NBDY: variants seen among roughly 807,000 people sequenced by gnomAD.
NBDY encodes P-body dissociating protein.
chrX:56,790,070 C>T (rs2069752942), intron 2 of NBDY, among the ~76,000 whole-genome samples: 1 of 111,211 alleles, frequency 9.0e-6, no homozygotes, highest in Admixed American at 9.5e-5. Context: ...ATGAGACAGT[C>T]GAGGACAAAT....
chrX:56,762,354 T>C (rs1374492831), intron 2 of NBDY, among the ~76,000 whole-genome samples: 1 of 109,143 alleles, frequency 9.2e-6, no homozygotes, highest in African/African-American at 3.4e-5. Flanking sequence ...CCTCCTCCTC[T>C]CTCTTTTCCT....
intron 2 of NBDY, among the ~76,000 whole-genome samples, chrX:56,746,663 G>A (rs1293880402): frequency 9.1e-6 from 1 of 109,591 alleles, no homozygotes. Flanking sequence ...GTAGATCTGA[G>A]ATCTGTAGAT....
intron 2 of NBDY, among the ~76,000 whole-genome samples, chrX:56,751,636 A>C (rs1375856320): frequency 8.9e-6 from 1 of 112,307 alleles, no homozygotes; most frequent in East Asian, 2.8e-4. Flanking sequence ...AAACACTTCC[A>C]ATACCCTAGA....
intron 2 of NBDY, among the ~76,000 whole-genome samples, chrX:56,753,025 C>A (rs780844656): frequency 5.3e-5 from 6 of 112,384 alleles, no homozygotes; most frequent in Non-Finnish European, 1.1e-4. Context: ...AATGAAATAT[C>A]CAGAAATTTG....
intron 2 of NBDY, among the ~76,000 whole-genome samples, chrX:56,807,145 A>AGGC (rs2146741108): frequency 8.9e-6 from 1 of 111,737 alleles, no homozygotes; most frequent in Admixed American, 9.5e-5. Context: ...GTTATTTCTG[A>AGGC]GGCCTCCATT....
intron 2 of NBDY, among the ~76,000 whole-genome samples, chrX:56,759,011 C>T (rs925309033): frequency 4.5e-5 from 5 of 111,940 alleles, no homozygotes; most frequent in Non-Finnish European, 9.4e-5. Flanking sequence ...CCGCTTGGTA[C>T]CTGGAGAGCA....
intron 2 of NBDY, among the ~76,000 whole-genome samples, chrX:56,780,812 C>T (rs1333413229): frequency 7.2e-5 from 5 of 69,707 alleles, no homozygotes; most frequent in Admixed American, 1.9e-4. Flanking sequence ...TTTTTTTCCT[C>T]ATATGTAGGT....
intron 2 of NBDY, among the ~76,000 whole-genome samples, chrX:56,739,228 G>T (rs1436332983): frequency 2.0e-5 from 1 of 48,880 alleles, no homozygotes; most frequent in African/African-American, 8.5e-5. Flanking sequence ...ATATATGTGT[G>T]TTTGTGTGTG....
At chrX:56,746,237 T>C (rs1387133540) in intron 2 of NBDY, among the ~76,000 whole-genome samples, 2 of 111,005 alleles carry the variant, frequency 1.8e-5, no homozygotes, top group Non-Finnish European at 3.8e-5. Flanking sequence ...TCTCCTTAAG[T>C]ACTTTTTCCT....
Position 56,818,104 on chromosome X carries a change from A to G in NBDY, c.*951A>G, listed in dbSNP as rs910589295. ...GGTTATAGAAAAAAATTTATAGACT[A>G]TAATAATTTCCAGGGATATAAAAAA... On this transcript the variant is annotated 3_prime_UTR_variant, in exon 3 of 3. Coordinates refer to ENST00000374922, the MANE Select transcript of NBDY (RefSeq NM_001348129.2). The G allele has an allele frequency of 8.9e-6, 1 of 111,832 alleles. No homozygotes were observed. Among genetic ancestry groups the G allele is most frequent in the African/African-American group, 3.2e-5 (1 of 30,899 alleles). The allele number at this position is 111,832 out of a possible 1,213,427, so 9.2% of individuals were successfully genotyped here. A position where few individuals can be genotyped will look rare whatever the true frequency, so the allele number is the denominator to read the frequency against.
At chrX:56,749,986 A>G (rs1212235525) in intron 2 of NBDY, among the ~76,000 whole-genome samples, 1 of 111,801 alleles carries the variant, frequency 8.9e-6, no homozygotes, top group Non-Finnish European at 1.9e-5. Context: ...ATATTTTATT[A>G]TAAATTACTT....
chrX:56,797,680 A>G (rs1197578026), intron 2 of NBDY, among the ~76,000 whole-genome samples: 2 of 110,687 alleles, frequency 1.8e-5, no homozygotes, highest in South Asian at 3.8e-4. Context: ...TTGTTCCCCT[A>G]TTGCCTTTCC....
intron 2 of NBDY, among the ~76,000 whole-genome samples, chrX:56,799,470 G>A (rs777544968): frequency 8.8e-6 from 1 of 113,182 alleles, no homozygotes; most frequent in Non-Finnish European, 1.9e-5. Context: ...TTCTGTCCCC[G>A]GGCCTCTAGC....
intron 2 of NBDY, among the ~76,000 whole-genome samples, chrX:56,813,490 G>A (rs751847826): frequency 8.1e-5 from 9 of 110,731 alleles, no homozygotes; most frequent in Admixed American, 6.8e-4. Flanking sequence ...ACCCACACAC[G>A]CACTCAGAAG....
chrX:56,792,549 C>T (rs1270967414), intron 2 of NBDY, among the ~76,000 whole-genome samples: 1 of 110,873 alleles, frequency 9.0e-6, no homozygotes, highest in Admixed American at 9.6e-5. Context: ...CACAAAGAGA[C>T]ACATGCACGT....
chrX:56,812,986 A>G (rs915093556), intron 2 of NBDY, among the ~76,000 whole-genome samples: 4 of 110,589 alleles, frequency 3.6e-5, no homozygotes, highest in South Asian at 3.9e-4. Flanking sequence ...TCTCTGGTGA[A>G]CAATGAGAAC....
At chrX:56,807,984 C>T (rs1163735480) in intron 2 of NBDY, among the ~76,000 whole-genome samples, 1 of 111,756 alleles carries the variant, frequency 8.9e-6, no homozygotes, top group Non-Finnish European at 1.9e-5. Flanking sequence ...TTTTGAGATA[C>T]ATTCCATCAA....
chrX:56,786,807 A>G (rs1208111088), intron 2 of NBDY, among the ~76,000 whole-genome samples: 4 of 110,335 alleles, frequency 3.6e-5, no homozygotes, highest in Non-Finnish European at 7.6e-5. Context: ...GTGATGTGTG[A>G]TGTTCCTCTG....
intron 2 of NBDY, among the ~76,000 whole-genome samples, chrX:56,754,929 A>G (rs945506961): frequency 1.8e-5 from 2 of 112,123 alleles, no homozygotes; most frequent in African/African-American, 6.5e-5. Flanking sequence ...AACAAAATTG[A>G]CAAAACGTTA....
Sources: gnomAD v4.1 joint callset for allele counts (sites outside exome capture counted in the v4.1 genomes callset) on GRCh38, gnomAD v4.1.1 for gene constraint, MANE v1.5 for transcripts, NCBI Gene and HGNC (gene_info 2026-07-23, HGNC 2026-07-21) for gene names.